The following CLTCL1 variants were observed in gnomAD, a reference collection of about 807,000 sequenced individuals.
The protein encoded by CLTCL1 is clathrin heavy chain like 1, also known as clathrin heavy chain 2.
A neutral mutation model predicts 190.0 loss-of-function variants in CLTCL1; 159 were observed. The observed-to-expected ratio is 0.84, with a 90% CI of 0.74 to 0.95. CLTCL1 has a LOEUF of 0.95. Among genes scored for constraint, CLTCL1 ranks in the 40% least tolerant of loss-of-function variants. CLTCL1 has a pLI of 0.00. For synonymous variants in CLTCL1, 752 were observed against 769.6 expected (o/e 0.98, Z 0.38); for missense variants, 1,878 against 2,033.4 (o/e 0.92, Z 1.47).
At chr22:19,184,314 C>T (rs2084239183) in intron 29 of CLTCL1, 2 of 362,496 alleles carry the variant, frequency 5.5e-6, no homozygotes, top group Non-Finnish European at 1.1e-5. Flanking sequence ...TGGCCATGAT[C>T]CACTGACTGT....
chr22:19,238,847 T>A (rs1221563599), intron 5 of CLTCL1: 4 of 156,450 alleles, frequency 2.6e-5, no homozygotes, highest in Non-Finnish European at 1.4e-5. Flanking sequence ...TATTCTTTTT[T>A]TTATTATTAT....
chr22:19,238,841 CTT>C (rs1276399194), intron 5 of CLTCL1: 1 of 155,686 alleles, frequency 6.4e-6, no homozygotes, highest in East Asian at 1.9e-4. Flanking sequence ...GTGTTTTATT[CTT>C]TTTTTTATTA....
At chr22:19,184,936 GTACT>G (rs1401675009) in intron 29 of CLTCL1, 13 of 195,540 alleles carry the variant, frequency 6.6e-5, no homozygotes, top group African/African-American at 3.1e-4. Context: ...GTCTACACCT[GTACT>G]TCCGCAGGCC....
Position 19,216,250 on chromosome 22 carries a change from G to A in CLTCL1, c.2926C>T (p.Gln976Ter). The change falls in exon 19 of 33, where the codon CAG becomes TAG. Residue 976 changes from glutamine (Q) to a stop codon, truncating the protein, a stop_gained. Transcript: ENST00000427926. LOFTEE classifies it high-confidence loss of function. The stretch of plus-strand genomic sequence containing the variant: ...TCCCGTGTTTCTGACAATGCTGTCT[G>A]TACCACCTGGTTTTAAAAAGCATTT... ...SRRQLIDQVVQTALSETRDPE... is the reference protein window; with the variant it reads ...SRRQLIDQVV The A allele has an allele frequency of 6.2e-7, 1 of 1,613,380 alleles. No homozygotes were observed. Among genetic ancestry groups the A allele is most frequent in the Non-Finnish European group, 8.5e-7 (1 of 1,179,658 alleles).
intron 26 of CLTCL1, among the ~76,000 whole-genome samples, chr22:19,193,939 C>T (rs544524536): frequency 6.6e-6 from 1 of 152,186 alleles, no homozygotes. Flanking sequence ...GAACAAAGCT[C>T]CCACAACATG....
At chr22:19,271,082 C>T (rs1315075251) in intron 2 of CLTCL1, among the ~76,000 whole-genome samples, 4 of 152,008 alleles carry the variant, frequency 2.6e-5, no homozygotes, top group African/African-American at 9.7e-5. Context: ...TGCCATTCCC[C>T]CTCTTCTATC....
chr22:19,258,042 T>C (rs1417426020), intron 2 of CLTCL1: 5 of 474,800 alleles, frequency 1.1e-5, no homozygotes, highest in Admixed American at 2.3e-5. Flanking sequence ...GAGCTGGCCA[T>C]GCACCAGTTT....
rs782424746 is a variant in CLTCL1 at position 19,201,295 on chromosome 22, C to T, written c.3765+34G>A. The T allele has an allele frequency of 7.6e-6, 12 of 1,583,764 alleles. No individual in the cohort carries two copies. In the South Asian group the frequency reaches 1.4e-4, roughly 18 times the overall value. ...GGACACGGAGAGCGTGCCTGTCCAG[C>T]ACACTCTGCCGTCTGCAGTTGCCCG... On this transcript the variant is annotated intron_variant, in intron 23 of 32. Transcript: ENST00000427926.
In CLTCL1 at chr22:19,232,679, T is replaced by C. The variant is rs1213232810; in HGVS notation, c.1522-81A>G. 2.0e-6 allele frequency: 3 copies of C among 1,506,734 alleles called. No individual in the cohort carries two copies. In the African/African-American group the frequency reaches 4.2e-5, roughly 21 times the overall value. 93.3% of individuals were successfully genotyped at this position (1,506,734 alleles called of 1,614,324 possible). On this transcript the variant is annotated intron_variant, in intron 9 of 32. Coordinates refer to ENST00000427926, the MANE Select transcript of CLTCL1 (RefSeq NM_007098.4). ...AAAGGAAGTTATCCATCCTTTGTTT[T>C]AAACTCGTGTTAACAAAGAAATGAG... is the stretch of plus-strand genomic sequence containing the variant.
intron 18 of CLTCL1, 128 bp downstream of exon 18, chr22:19,219,757 A>G: frequency 7.3e-7 from 1 of 1,368,692 alleles, no homozygotes; most frequent in Non-Finnish European, 1.0e-6. Flanking sequence ...AATTGCTGGC[A>G]TTACAGGCGT....
chr22:19,218,619 G>A (rs2085466516), intron 18 of CLTCL1, among the ~76,000 whole-genome samples: 1 of 152,178 alleles, frequency 6.6e-6, no homozygotes, highest in Non-Finnish European at 1.5e-5. Context: ...TCTCAGGGCT[G>A]AAGCCACTTG....
At chr22:19,277,141 A>G (rs1360144754) in intron 1 of CLTCL1, among the ~76,000 whole-genome samples, 1 of 152,184 alleles carries the variant, frequency 6.6e-6, no homozygotes, top group African/African-American at 2.4e-5. Context: ...CACAAGTGAG[A>G]CTGTTCATAC....
chr22:19,257,511 C>T (rs1340690568), intron 2 of CLTCL1: 1 of 293,810 alleles, frequency 3.4e-6, no homozygotes, highest in Non-Finnish European at 6.7e-6. Flanking sequence ...ACTTTCCTCC[C>T]CAGACAGCAT....
intron 2 of CLTCL1, among the ~76,000 whole-genome samples, chr22:19,264,895 T>G (rs572749052): frequency 6.6e-6 from 1 of 152,148 alleles, no homozygotes; most frequent in Non-Finnish European, 1.5e-5. Context: ...TTCAAGTGAT[T>G]GTCCTCCTTC....
intron 5 of CLTCL1, among the ~76,000 whole-genome samples, 187 bp from the exon 6 acceptor site, chr22:19,236,056 C>A (rs7286849): frequency 0.38 from 58,406 of 152,000 alleles, 12,136 homozygotes; most frequent in South Asian, 0.54. Flanking sequence ...GACCTCTGGG[C>A]TCAGGTGATC....
intron 1 of CLTCL1, among the ~76,000 whole-genome samples, chr22:19,277,400 T>A (rs569015502): frequency 1.3e-5 from 2 of 152,220 alleles, no homozygotes; most frequent in African/African-American, 2.4e-5. Context: ...ATAAAGCCTG[T>A]GTTCTGACCA....
intron 19 of CLTCL1, among the ~76,000 whole-genome samples, chr22:19,214,415 T>C (rs2085323309): frequency 6.6e-6 from 1 of 152,136 alleles, no homozygotes; most frequent in South Asian, 2.1e-4. Flanking sequence ...GCTCTCTGCT[T>C]GGTTTCTCAT....
At chr22:19,222,125 T>C (rs2085592114) in intron 15 of CLTCL1, 32 bp from the exon 16 acceptor site, 1 of 1,610,780 alleles carries the variant, frequency 6.2e-7, no homozygotes, top group African/African-American at 1.3e-5. Context: ...AACTTCAGTG[T>C]TGCAAACACA....
intron 10 of CLTCL1, 28 bp downstream of exon 10, chr22:19,232,448 A>G: frequency 6.2e-7 from 1 of 1,613,514 alleles, no homozygotes; most frequent in Non-Finnish European, 8.5e-7. Context: ...AAAGCCACAA[A>G]AAGTTGTCCA....
Sources: allele counts gnomAD v4.1 joint callset (sites outside exome capture counted in the v4.1 genomes callset), GRCh38; gene constraint gnomAD v4.1.1; transcripts MANE v1.5; gene names NCBI Gene and HGNC (gene_info 2026-07-23, HGNC 2026-07-21).